SCN8A: variants seen among roughly 807,000 people sequenced by gnomAD.
The protein encoded by SCN8A is sodium channel protein type 8 subunit alpha.
Under a neutral mutation model 184.1 loss-of-function variants are expected in SCN8A, and 30 were observed. The observed-to-expected ratio is 0.16, with a 90% CI of 0.12 to 0.22. The LOEUF (loss-of-function observed/expected upper bound fraction) is 0.22, where lower values mean the gene tolerates loss of function less well. Ranked by LOEUF, SCN8A falls within the 10% of genes least tolerant of loss-of-function variation. The pLI is 1.00. For synonymous variants in SCN8A, 852 were observed against 907.0 expected (o/e 0.94, Z 1.09); for missense variants, 1,057 against 2,498.9 (o/e 0.42, Z 12.30).
chr12:51,631,461 T>A (rs1298873238), intron 1 of SCN8A, among the ~76,000 whole-genome samples: 1 of 152,232 alleles, frequency 6.6e-6, no homozygotes, highest in Non-Finnish European at 1.5e-5. Flanking sequence ...GTCCAGCCAC[T>A]TGTCAACTGT....
At chr12:51,787,793 ATAG>A (rs1304974984) in intron 22 of SCN8A, among the ~76,000 whole-genome samples, 1 of 152,222 alleles carries the variant, frequency 6.6e-6, no homozygotes, top group Non-Finnish European at 1.5e-5. Flanking sequence ...CTGTCAACTC[ATAG>A]TAGAAGGCAA....
chr12:51,804,337 T>C (rs1592172940), intron 26 of SCN8A, among the ~76,000 whole-genome samples: 1 of 152,056 alleles, frequency 6.6e-6, no homozygotes, highest in African/African-American at 2.4e-5. Flanking sequence ...CTTTTTTTTT[T>C]TTTTTTAAAG....
intron 20 of SCN8A, among the ~76,000 whole-genome samples, chr12:51,774,722 G>A (rs186015144): frequency 2.6e-5 from 4 of 152,270 alleles, no homozygotes; most frequent in Admixed American, 1.3e-4. Context: ...TTGTGGCTGG[G>A]AGAAGGGGTG....
At chr12:51,769,710 G>A (rs1395700059) in intron 17 of SCN8A, among the ~76,000 whole-genome samples, 158 bp from the exon 18 acceptor site, 4 of 152,132 alleles carry the variant, frequency 2.6e-5, no homozygotes, top group Non-Finnish European at 4.4e-5. Context: ...CAGAAGTTTT[G>A]GGGGCCCGTG....
chr12:51,656,502 G>A (rs1054857644), intron 1 of SCN8A, among the ~76,000 whole-genome samples: 1 of 152,122 alleles, frequency 6.6e-6, no homozygotes, highest in Non-Finnish European at 1.5e-5. Context: ...ATTAAGACAG[G>A]TGAAAGAGAG....
intron 12 of SCN8A, among the ~76,000 whole-genome samples, chr12:51,725,438 T>C (rs1440472482): frequency 2.0e-5 from 3 of 152,210 alleles, no homozygotes; most frequent in Non-Finnish European, 4.4e-5. Context: ...TCTTTCTGGT[T>C]TTCTGTAGTG....
At chr12:51,639,118 A>AC (rs1445924799) in intron 1 of SCN8A, among the ~76,000 whole-genome samples, 1 of 151,930 alleles carries the variant, frequency 6.6e-6, no homozygotes, top group Admixed American at 6.6e-5. Context: ...AGCTGGGACT[A>AC]CAGGCTTCAG....
chr12:51,804,910 G>GT (rs767056534), intron 26 of SCN8A, among the ~76,000 whole-genome samples: 4 of 152,118 alleles, frequency 2.6e-5, no homozygotes, highest in African/African-American at 4.8e-5. Flanking sequence ...AACCAAAGAT[G>GT]TTTTTTCAGA....
intron 21 of SCN8A, among the ~76,000 whole-genome samples, chr12:51,781,894 G>A (rs1937935366): frequency 1.3e-5 from 2 of 152,194 alleles, no homozygotes; most frequent in South Asian, 2.1e-4. Context: ...GATAGTCTAC[G>A]TGAAGCAAGA....
chr12:51,723,147 T>C (rs1942096292), intron 12 of SCN8A: 1 of 152,232 alleles, frequency 6.6e-6, no homozygotes, highest in South Asian at 2.1e-4. Flanking sequence ...AGGCAATTTG[T>C]ATGTGTTTGG....
intron 25 of SCN8A, among the ~76,000 whole-genome samples, chr12:51,791,907 A>G (rs566993928): frequency 9.8e-5 from 15 of 152,318 alleles, no homozygotes; most frequent in African/African-American, 3.6e-4. Flanking sequence ...AAAATATTTT[A>G]AAAAGTAGGA....
At chr12:51,704,670 C>CA (rs34946747) in intron 9 of SCN8A, among the ~76,000 whole-genome samples, 9,943 of 93,042 alleles carry the variant, frequency 0.11, 484 homozygotes, top group South Asian at 0.16. Context: ...ACTCCACCTA[C>CA]AAAAAAAAAA....
chr12:51,659,634 TAATG>T (rs1434399886), intron 1 of SCN8A, among the ~76,000 whole-genome samples: 1 of 152,084 alleles, frequency 6.6e-6, no homozygotes, highest in Non-Finnish European at 1.5e-5. Flanking sequence ...GGAAATGACT[TAATG>T]AAAGCAGATT....
chr12:51,697,824 G>GT (rs963916186), intron 6 of SCN8A, among the ~76,000 whole-genome samples: 3 of 152,136 alleles, frequency 2.0e-5, no homozygotes, highest in Admixed American at 2.0e-4. Flanking sequence ...GCTTTGTGAA[G>GT]TTTTTTTTGT....
chr12:51,721,081 T>TTATATATATATATATATA (rs58356368), intron 11 of SCN8A, among the ~76,000 whole-genome samples: 158 of 86,730 alleles, frequency 1.8e-3, no homozygotes, highest in African/African-American at 5.6e-3. Flanking sequence ...AAAAAAAAAA[T>TTATATATATATATATATA]TATATATATA....
At chr12:51,776,152 G>T (rs1937685987) in intron 20 of SCN8A, among the ~76,000 whole-genome samples, 1 of 152,118 alleles carries the variant, frequency 6.6e-6, no homozygotes, top group South Asian at 2.1e-4. Context: ...ACCATGCCTG[G>T]CTAATTTTTG....
At chr12:51,741,721 A>AT (rs1385783657) in intron 12 of SCN8A, among the ~76,000 whole-genome samples, 1 of 151,880 alleles carries the variant, frequency 6.6e-6, no homozygotes, top group Non-Finnish European at 1.5e-5. Flanking sequence ...TTATTTATTT[A>AT]TTTTTTGAGA....
At chr12:51,722,934 C>T (rs1397843503) in intron 12 of SCN8A, 7 of 152,100 alleles carry the variant, frequency 4.6e-5, no homozygotes, top group African/African-American at 1.7e-4. Flanking sequence ...ATCCTTCATA[C>T]CTCTAATTTC....
chr12:51,733,259 C>T (rs954561603), intron 12 of SCN8A, among the ~76,000 whole-genome samples: 1 of 151,892 alleles, frequency 6.6e-6, no homozygotes, highest in African/African-American at 2.4e-5. Flanking sequence ...GGTTTTTAAC[C>T]ACGAAGGGTG....
Sources: allele counts gnomAD v4.1 joint callset (sites outside exome capture counted in the v4.1 genomes callset), GRCh38; gene constraint gnomAD v4.1.1; transcripts MANE v1.5; gene names NCBI Gene and HGNC (gene_info 2026-07-23, HGNC 2026-07-21).